The following GRHL2 variants were observed in gnomAD, a reference collection of about 807,000 sequenced individuals.
GRHL2 encodes the protein grainyhead like transcription factor 2.
GRHL2 carries 21 observed loss-of-function variants against 83.8 expected under a neutral mutation model. That is an observed-to-expected ratio of 0.25 (90% CI 0.18 to 0.36). The LOEUF is 0.36. GRHL2 is among the 10% of genes least tolerant of loss of function. The pLI is 1.00. For synonymous variants in GRHL2, 280 were observed against 278.9 expected, an observed-to-expected ratio of 1.00 and a Z score of -0.04; for missense variants, 623 against 781.8, an observed-to-expected ratio of 0.80 and a Z score of 2.42.
At chr8:101,552,268 C>T (rs1470743916) in intron 2 of GRHL2, among the ~76,000 whole-genome samples, 1 of 152,222 alleles carries the variant, frequency 6.6e-6, no homozygotes, top group Non-Finnish European at 1.5e-5. Context: ...CTCCCAACCA[C>T]GTCAGCACTT....
Position 101,558,618 on chromosome 8 carries a change from G to A in GRHL2, c.484G>A (p.Asp162Asn), listed in dbSNP as rs561352646. 1.2e-6 allele frequency: 2 copies of A among 1,614,144 alleles called. No individual in the cohort carries two copies. The highest frequency in any genetic ancestry group is 2.7e-5 in the African/African-American group (2 of 75,022). Residue 162 changes from aspartate to asparagine, a missense_variant, in exon 4 of 16, where the codon GAT becomes AAT. Around this residue, in one of 8 missense-constraint regions of GRHL2, gnomAD observed 239 missense variants for 240.5 expected, o/e 0.99. Transcript: ENST00000646743. ...VSGITVVKAE[D>N]FTPVFMAPPV... Reference sequence around the variant, plus strand: ...GGGAATCACGGTGGTGAAAGCTGAAGATTTCACACCAGTTTTCATGGCCCC... The same window carrying A: ...GGGAATCACGGTGGTGAAAGCTGAAAATTTCACACCAGTTTTCATGGCCCC...
chr8:101,648,955 C>T (rs1043683654), intron 13 of GRHL2, among the ~76,000 whole-genome samples: 2 of 152,182 alleles, frequency 1.3e-5, no homozygotes, highest in Non-Finnish European at 2.9e-5. Context: ...TTGAGGAAAG[C>T]CTGCTTCTCT....
intron 8 of GRHL2, among the ~76,000 whole-genome samples, chr8:101,612,613 G>T (rs866741781): frequency 1.3e-5 from 2 of 150,988 alleles, no homozygotes; most frequent in Middle Eastern, 3.4e-3. Context: ...TATGATTGTT[G>T]ATTGATAGAT....
At chr8:101,560,884 T>C (rs1260930108) in intron 4 of GRHL2, among the ~76,000 whole-genome samples, 2 of 152,202 alleles carry the variant, frequency 1.3e-5, no homozygotes, top group Non-Finnish European at 2.9e-5. Flanking sequence ...GTTCTTTATA[T>C]AATGTGAATA....
At chr8:101,619,101 A>G (rs1029436757) in intron 8 of GRHL2, among the ~76,000 whole-genome samples, 1 of 152,042 alleles carries the variant, frequency 6.6e-6, no homozygotes, top group Non-Finnish European at 1.5e-5. Flanking sequence ...AAAATACAAA[A>G]AATTAGCCAG....
At chr8:101,673,025 G>T (rs1160971717), downstream of GRHL2, among the ~76,000 whole-genome samples, 1 of 149,532 alleles carries the variant, frequency 6.7e-6, no homozygotes, top group African/African-American at 2.5e-5. Flanking sequence ...TCACCACCAG[G>T]CCTGCCCTAA....
Position 101,538,029 on chromosome 8 carries a change from C to T in GRHL2, c.21-5212C>T, listed in dbSNP as rs545062120. Among the ~76,000 whole-genome samples, 19 of 152,260 alleles carry T rather than the reference C, an allele frequency of 1.2e-4. No homozygotes were observed. In the East Asian group the frequency reaches 2.9e-3, roughly 23 times the overall value. On this transcript the variant is annotated intron_variant, in intron 1 of 15. Transcript: ENST00000646743. ...CCCTGTTACATAAGAAGCCCTGACC[C>T]GGAAGCAGATCATCCACTAATGGTT...
At chr8:101,513,613 G>A (rs1586408413) in intron 1 of GRHL2, among the ~76,000 whole-genome samples, 1 of 151,240 alleles carries the variant, frequency 6.6e-6, no homozygotes, top group South Asian at 2.1e-4. Flanking sequence ...TCCTGTCTCA[G>A]CCTCCCTAGT....
At chr8:101,566,301 A>G (rs936891950) in intron 4 of GRHL2, among the ~76,000 whole-genome samples, 1 of 152,138 alleles carries the variant, frequency 6.6e-6, no homozygotes, top group Middle Eastern at 3.4e-3. Flanking sequence ...ATAAGACTAG[A>G]TCACTCATTA....
At chr8:101,583,788 A>T (rs1812107278) in intron 7 of GRHL2, among the ~76,000 whole-genome samples, 1 of 152,240 alleles carries the variant, frequency 6.6e-6, no homozygotes, top group Non-Finnish European at 1.5e-5. Context: ...TACCTTTCAA[A>T]CAGGGAAGGA....
chr8:101,601,176 ACAC>A (rs1366425519), intron 8 of GRHL2, among the ~76,000 whole-genome samples: 3 of 146,278 alleles, frequency 2.1e-5, no homozygotes, highest in African/African-American at 7.6e-5. Context: ...ACACACACAC[ACAC>A]ACACACACAC....
chr8:101,574,451 T>A lies in GRHL2; in HGVS notation c.891+627T>A, dbSNP rs534514100. On this transcript the variant is annotated intron_variant, in intron 6 of 15. Coordinates refer to ENST00000646743, the MANE Select transcript of GRHL2 (RefSeq NM_024915.4). ...GAAGGGAGAGGCCCGGTAATCCTTCTCTACTGAAAAGGAAAATTATAGCAC... is the reference window on the plus strand; with the variant it reads ...GAAGGGAGAGGCCCGGTAATCCTTCACTACTGAAAAGGAAAATTATAGCAC... 9.2e-5 allele frequency among the ~76,000 whole-genome samples: 14 copies of A among 152,352 alleles called. No homozygotes were observed. In the East Asian group the frequency reaches 2.7e-3, roughly 29 times the overall value.
chr8:101,643,953 T>C (rs1813455933), intron 12 of GRHL2, among the ~76,000 whole-genome samples, 178 bp from the exon 13 acceptor site: 1 of 152,228 alleles, frequency 6.6e-6, no homozygotes, highest in South Asian at 2.1e-4. Context: ...GTGTGTGTGC[T>C]GCTTCAGACA....
chr8:101,631,818 A>C, intron 10 of GRHL2, 94 bp downstream of exon 10: 2 of 983,078 alleles, frequency 2.0e-6, no homozygotes, highest in South Asian at 1.3e-5. Context: ...TGCAGGTAAA[A>C]CTGCATACAT....
At chr8:101,509,226 TG>T (rs1563556348) in intron 1 of GRHL2, among the ~76,000 whole-genome samples, 1 of 145,836 alleles carries the variant, frequency 6.9e-6, no homozygotes, top group African/African-American at 2.5e-5. Context: ...TGTGTGTGTG[TG>T]TGTGTGTGTG....
At chr8:101,581,888 A>G (rs1381461207) in intron 7 of GRHL2, among the ~76,000 whole-genome samples, 3 of 152,216 alleles carry the variant, frequency 2.0e-5, no homozygotes, top group African/African-American at 7.2e-5. Flanking sequence ...AAAGGTAGGA[A>G]GGGTGCTGCA....
At chr8:101,628,396 C>CT (rs1454665179) in intron 9 of GRHL2, among the ~76,000 whole-genome samples, 1 of 151,978 alleles carries the variant, frequency 6.6e-6, no homozygotes, top group Non-Finnish European at 1.5e-5. Context: ...TTTAAGCCCA[C>CT]TGTTGAGACC....
Position 101,492,784 on chromosome 8 carries a change from G to T in GRHL2, c.15G>T (p.Ser5=). ...TTGGATCAAACATGTCACAAGAGTC[G>T]GACAAGTAAGTGGATCACACGCGCC... MSQE[S]DNNKRLVALV... is the part of the protein sequence containing the mutation. The change falls in exon 1 of 16, where the codon TCG becomes TCT. Residue 5 remains serine (S), a synonymous_variant. Transcript: ENST00000646743. 1 of 1,613,960 alleles carries T rather than the reference G, an allele frequency of 6.2e-7. No homozygotes were observed. Among genetic ancestry groups the T allele is most frequent in the Non-Finnish European group, 8.5e-7 (1 of 1,179,832 alleles).
chr8:101,542,169 A>G (rs981149838), intron 1 of GRHL2, among the ~76,000 whole-genome samples: 2 of 152,266 alleles, frequency 1.3e-5, no homozygotes, highest in Non-Finnish European at 2.9e-5. Context: ...ACAGTTTTCA[A>G]TAATCATTAG....
Sources: allele counts gnomAD v4.1 joint callset (sites outside exome capture counted in the v4.1 genomes callset), GRCh38; gene constraint gnomAD v4.1.1; regional missense constraint gnomAD v4.1.1; transcripts MANE v1.5; gene names NCBI Gene and HGNC (gene_info 2026-07-23, HGNC 2026-07-21).